Variants in SLC9B1 observed in about 807,000 individuals in gnomAD.
SLC9B1 encodes the protein sodium/hydrogen exchanger 9B1.
Under a neutral mutation model 51.7 loss-of-function variants are expected in SLC9B1, and 32 were observed. The observed-to-expected ratio is 0.62, with a 90% CI of 0.47 to 0.83. The LOEUF (loss-of-function observed/expected upper bound fraction) is 0.83. SLC9B1 is among the 40% of genes least tolerant of loss of function. The pLI is 0.00. For synonymous variants in SLC9B1, 145 were observed against 212.7 expected, an observed-to-expected ratio of 0.68 and a Z score of 2.77; for missense variants, 406 against 613.2, an observed-to-expected ratio of 0.66 and a Z score of 3.57.
chr4:102,964,347 C>T (rs7697171), intron 3 of SLC9B1, among the ~76,000 whole-genome samples: 82,924 of 151,822 alleles, frequency 0.55, 23,171 homozygotes, highest in African/African-American at 0.67. Flanking sequence ...CACTGGTGAA[C>T]TCTATCCAAC....
At chr4:102,921,354 C>CA in intron 7 of SLC9B1, among the ~76,000 whole-genome samples, 1 of 152,260 alleles carries the variant, frequency 6.6e-6, no homozygotes, top group Middle Eastern at 3.4e-3. Context: ...TACAGACAAG[C>CA]AAATGCTGAG....
At chr4:102,991,175 T>TA (rs1026278156) in intron 2 of SLC9B1, among the ~76,000 whole-genome samples, 3 of 151,978 alleles carry the variant, frequency 2.0e-5, no homozygotes, top group African/African-American at 7.2e-5. Context: ...ATCTCTATTT[T>TA]AAAAAAATAC....
At chr4:102,994,830 A>G (rs561097254) in intron 1 of SLC9B1, among the ~76,000 whole-genome samples, 23 of 152,284 alleles carry the variant, frequency 1.5e-4, no homozygotes, top group African/African-American at 5.5e-4. Flanking sequence ...ATCACATCAG[A>G]TCACTCATTA....
intron 1 of SLC9B1, among the ~76,000 whole-genome samples, chr4:102,992,756 T>C (rs1443701464): frequency 6.6e-6 from 1 of 152,186 alleles, no homozygotes; most frequent in East Asian, 1.9e-4. Flanking sequence ...GTCATTAGAA[T>C]GATGTATTAG....
Position 102,975,943 on chromosome 4 carries a change from T to C in SLC9B1, c.211+13857A>G, listed in dbSNP as rs183541199. On this transcript the variant is annotated intron_variant, in intron 3 of 11. Transcript: ENST00000296422. ...TTGATGAGACCACATAGAAAAACTATATAAAAAGAAAAGAGGAAAAGGCCC... is the reference window on the plus strand; with the variant it reads ...TTGATGAGACCACATAGAAAAACTACATAAAAAGAAAAGAGGAAAAGGCCC... Among the ~76,000 whole-genome samples, 5 of 152,026 alleles carry C rather than the reference T, an allele frequency of 3.3e-5. No homozygotes were observed. In the East Asian group the frequency reaches 5.8e-4, roughly 18 times the overall value.
chr4:102,945,088 G>A (rs539595767), intron 6 of SLC9B1, 105 bp downstream of exon 6: 152 of 1,236,162 alleles, frequency 1.2e-4, no homozygotes, highest in African/African-American at 5.0e-4. Flanking sequence ...ACACTGAAAC[G>A]AATTTTAATA....
At chr4:102,975,584 A>ATTTTTTTTTTTTTTT (rs1466561136) in intron 3 of SLC9B1, among the ~76,000 whole-genome samples, 12 of 80,154 alleles carry the variant, frequency 1.5e-4, no homozygotes, top group East Asian at 7.3e-4. Flanking sequence ...ATATATATAT[A>ATTTTTTTTTTTTTTT]TATTTTTTTT....
chr4:102,926,281 C>T (rs1736169461), intron 7 of SLC9B1, among the ~76,000 whole-genome samples: 1 of 152,162 alleles, frequency 6.6e-6, no homozygotes, highest in South Asian at 2.1e-4. Flanking sequence ...AAATGGTATT[C>T]AGTTAGGAAA....
At chr4:102,968,380 A>G (rs7677003) in intron 3 of SLC9B1, among the ~76,000 whole-genome samples, 87,366 of 152,086 alleles carry the variant, frequency 0.57, 26,366 homozygotes, top group African/African-American at 0.77. Context: ...AGCTAAAACT[A>G]TAAAACTTCT....
intron 11 of SLC9B1, chr4:102,891,117 CTGTT>C (rs1272885210): frequency 6.6e-6 from 1 of 151,244 alleles, no homozygotes; most frequent in African/African-American, 2.5e-5. Context: ...AATTTTCCCT[CTGTT>C]AAACTAATAT....
At position 102,911,582 on chromosome 4, in the gene SLC9B1, C is replaced by T. The variant is rs184103217; in HGVS notation, c.830-45G>A. 4.9e-3 allele frequency: 5,996 copies of T among 1,226,566 alleles called. 17 individuals carry two copies. The highest frequency in any genetic ancestry group is 6.1e-3 in the Non-Finnish European group (5,248 of 855,774). 76.0% of individuals were successfully genotyped at this position (1,226,566 alleles called of 1,614,324 possible). A position where few individuals can be genotyped will look rare whatever the true frequency, so the allele number is the denominator to read the frequency against. On this transcript the variant is annotated intron_variant, in intron 7 of 11. Coordinates refer to ENST00000296422, the MANE Select transcript of SLC9B1 (RefSeq NM_139173.4). ...AAAAAAATTCACAAAGAAGTATCTT[C>T]ACATACACTACACATCAGAAAAGCA...
rs567169850 is a variant in SLC9B1 at position 102,967,537 on chromosome 4, G to A, written c.212-18110C>T. The stretch of plus-strand genomic sequence containing the variant: ...TTGTATCACAATATGGTAGAACAAG[G>A]TCAAAGGGGAGTAGGCATGTACCAG... On this transcript the variant is annotated intron_variant, in intron 3 of 11. Coordinates refer to ENST00000296422, the MANE Select transcript of SLC9B1 (RefSeq NM_139173.4). Among the ~76,000 whole-genome samples, 8 of 152,250 alleles carry A rather than the reference G, an allele frequency of 5.3e-5. No individual in the cohort carries two copies. In the South Asian group the frequency reaches 1.5e-3, roughly 28 times the overall value.
Position 102,946,797 on chromosome 4 carries a change from G to A in SLC9B1, c.383-8C>T, listed in dbSNP as rs992236978. The A allele has an allele frequency of 3.2e-6, 5 of 1,573,646 alleles. No individual in the cohort carries two copies. In the African/African-American group the frequency reaches 6.9e-5, roughly 22 times the overall value. On this transcript the variant is annotated splice_polypyrimidine_tract_variant and splice_region_variant and intron_variant, in intron 4 of 11. Transcript: ENST00000296422. ...AACCAGCCAGTAACATCCCTTAAAA[G>A]AAAGAAAATAAAGATACATGACAGT...
At chr4:102,995,071 G>T (rs1422146376) in intron 1 of SLC9B1, among the ~76,000 whole-genome samples, 1 of 152,160 alleles carries the variant, frequency 6.6e-6, no homozygotes. Context: ...TAGACAGACT[G>T]GGAGTTAGAG....
At chr4:102,986,456 T>C (rs1739630738) in intron 3 of SLC9B1, among the ~76,000 whole-genome samples, 1 of 152,162 alleles carries the variant, frequency 6.6e-6, no homozygotes, top group South Asian at 2.1e-4. Flanking sequence ...GTAGTCTGTT[T>C]GGACATTTAC....
Position 102,985,755 on chromosome 4 carries a change from C to A in SLC9B1, c.211+4045G>T, listed in dbSNP as rs1578401784. Among the ~76,000 whole-genome samples, 3 of 152,192 alleles carry A rather than the reference C, an allele frequency of 2.0e-5. No individual in the cohort carries two copies. In the South Asian group the frequency reaches 6.2e-4, roughly 32 times the overall value. On this transcript the variant is annotated intron_variant, in intron 3 of 11. Coordinates refer to ENST00000296422, the MANE Select transcript of SLC9B1 (RefSeq NM_139173.4). Reference sequence around the variant, plus strand: ...GGCCAGGTTGGTCTCAAACTCCTGACCTCAAGTGATCCACCCACCTCCACC... The same window carrying A: ...GGCCAGGTTGGTCTCAAACTCCTGAACTCAAGTGATCCACCCACCTCCACC...
At chr4:102,975,671 C>T (rs866713465) in intron 3 of SLC9B1, among the ~76,000 whole-genome samples, 5 of 130,120 alleles carry the variant, frequency 3.8e-5, no homozygotes, top group Non-Finnish European at 7.7e-5. Context: ...GGGGATCAAG[C>T]GATTCTCCTG....
intron 1 of SLC9B1, among the ~76,000 whole-genome samples, chr4:103,016,266 A>G (rs1741330010): frequency 6.6e-6 from 1 of 150,968 alleles, no homozygotes; most frequent in Non-Finnish European, 1.5e-5. Context: ...AAATATACAC[A>G]CTCTCTCTTA....
intron 3 of SLC9B1, among the ~76,000 whole-genome samples, chr4:102,984,525 C>T (rs561287980): frequency 2.6e-5 from 4 of 152,222 alleles, no homozygotes; most frequent in East Asian, 1.9e-4. Context: ...TTTTCTGTTA[C>T]TGATTTTTAG....
Sources: gnomAD v4.1 joint callset for allele counts (sites outside exome capture counted in the v4.1 genomes callset) on GRCh38, gnomAD v4.1.1 for gene constraint, MANE v1.5 for transcripts, NCBI Gene and HGNC (gene_info 2026-07-23, HGNC 2026-07-21) for gene names.